ZNF713: variants seen among roughly 807,000 people sequenced by gnomAD.
ZNF713 encodes the protein zinc finger protein 713.
In ZNF713, 21 loss-of-function variants were observed where a neutral mutation model predicts 28.7. The observed-to-expected ratio is 0.73, with a 90% CI of 0.52 to 1.05. The LOEUF (loss-of-function observed/expected upper bound fraction) is 1.05. Among genes scored for constraint, ZNF713 ranks in the 50% least tolerant of loss-of-function variants. ZNF713 has a pLI of 0.00. For synonymous variants in ZNF713, 167 were observed against 178.0 expected (o/e 0.94, Z 0.49); for missense variants, 458 against 532.4 (o/e 0.86, Z 1.37).
intron 1 of ZNF713, among the ~76,000 whole-genome samples, chr7:55,891,560 G>A (rs1584292963): frequency 6.6e-6 from 1 of 152,124 alleles, no homozygotes; most frequent in South Asian, 2.1e-4. Context: ...ACACGTGGTG[G>A]TGCGCACCTG....
In ZNF713 at chr7:55,940,366, C is replaced by A; in HGVS notation, c.*360C>A. The A allele has an allele frequency of 1.2e-6, 1 of 828,834 alleles. No homozygotes were observed. The highest frequency in any genetic ancestry group is 1.5e-6 in the Non-Finnish European group (1 of 683,684). The allele number at this position is 828,834 out of a possible 1,614,324, so 51.3% of individuals were successfully genotyped here. ...CTCGAACTCCTAACCTCAGGTGATC[C>A]GCCCACCTCGGCCTCCCAAAGTGCT... On this transcript the variant is annotated 3_prime_UTR_variant, in exon 7 of 7. Transcript: ENST00000429591.
rs189282759 is a variant in ZNF713 at position 55,928,599 on chromosome 7, G to A, written c.307+4900G>A. On this transcript the variant is annotated intron_variant, in intron 6 of 6. Transcript: ENST00000429591. ...GCCATGTAAGTAGACTGTTGAAGGTGGAACAAAGGTGAAGGCACAAACAAC... is the reference window on the plus strand; with the variant it reads ...GCCATGTAAGTAGACTGTTGAAGGTAGAACAAAGGTGAAGGCACAAACAAC... Among the ~76,000 whole-genome samples the A allele has an allele frequency of 4.1e-4, 63 of 152,128 alleles. 1 individual carries two copies. Among genetic ancestry groups the A allele is most frequent in the Non-Finnish European group, 6.9e-4 (47 of 67,998 alleles).
intron 4 of ZNF713, among the ~76,000 whole-genome samples, 169 bp from the exon 5 acceptor site, chr7:55,922,993 T>C (rs1329987289): frequency 3.3e-5 from 5 of 152,212 alleles, no homozygotes; most frequent in African/African-American, 1.2e-4. Flanking sequence ...TGAAAGATGA[T>C]AGAAAGGTAC....
intron 1 of ZNF713, among the ~76,000 whole-genome samples, chr7:55,890,270 T>C (rs1205692432): frequency 6.6e-6 from 1 of 151,862 alleles, no homozygotes; most frequent in East Asian, 1.9e-4. Flanking sequence ...GCCAACATGG[T>C]GAAACCCCAT....
rs181936874 is a variant in ZNF713 at position 55,906,379 on chromosome 7, G to A, written c.-456G>A. 7.8e-4 allele frequency: 118 copies of A among 152,236 alleles called. No homozygotes were observed. The highest frequency in any genetic ancestry group is 2.7e-3 in the African/African-American group (111 of 41,542). 9.4% of individuals were successfully genotyped at this position (152,236 alleles called of 1,614,324 possible). On this transcript the variant is annotated splice_region_variant and 5_prime_UTR_variant, in exon 2 of 7. Coordinates refer to ENST00000429591, the MANE Select transcript of ZNF713 (RefSeq NM_182633.3). ...CTCAGCAATCCCATCAGGTGTTTTG[G>A]GTAAGTTCTCCTGAATTCAGACCTC...
chr7:55,915,102 A>T (rs1165583434), intron 4 of ZNF713, among the ~76,000 whole-genome samples: 1 of 152,222 alleles, frequency 6.6e-6, no homozygotes, highest in African/African-American at 2.4e-5. Flanking sequence ...AAGTATTGGG[A>T]TTATAGGCGT....
intron 6 of ZNF713, among the ~76,000 whole-genome samples, chr7:55,932,331 C>A (rs1786226334): frequency 4.0e-5 from 6 of 149,828 alleles, no homozygotes; most frequent in Admixed American, 4.0e-4. Context: ...GAATTTGAGA[C>A]CAGCCTAGGC....
intron 1 of ZNF713, among the ~76,000 whole-genome samples, chr7:55,905,159 A>T (rs555295939): frequency 6.6e-6 from 1 of 152,318 alleles, no homozygotes; most frequent in South Asian, 2.1e-4. Context: ...CTGAAGTAGA[A>T]AGATAGTGAA....
At chr7:55,922,083 G>T (rs1177062716) in intron 4 of ZNF713, among the ~76,000 whole-genome samples, 2 of 152,152 alleles carry the variant, frequency 1.3e-5, no homozygotes, top group South Asian at 2.1e-4. Context: ...GTGCCACCAT[G>T]CCTGGCTATT....
intron 1 of ZNF713, among the ~76,000 whole-genome samples, chr7:55,894,129 T>C (rs1785434697): frequency 6.6e-6 from 1 of 152,196 alleles, no homozygotes; most frequent in Non-Finnish European, 1.5e-5. Flanking sequence ...CCACATGGCC[T>C]GCAGTTCTCA....
intron 6 of ZNF713, 150 bp from the exon 7 acceptor site, chr7:55,938,832 G>C: frequency 2.7e-6 from 2 of 730,108 alleles, no homozygotes; most frequent in Non-Finnish European, 4.3e-6. Context: ...TTTGTGACGT[G>C]GCCACATTGA....
At chr7:55,889,507 C>G (rs550970618) in intron 1 of ZNF713, among the ~76,000 whole-genome samples, 1 of 152,304 alleles carries the variant, frequency 6.6e-6, no homozygotes, top group South Asian at 2.1e-4. Flanking sequence ...TAGGTTGTAG[C>G]AATTAGTACG....
At chr7:55,938,011 C>A (rs916928190) in intron 6 of ZNF713, among the ~76,000 whole-genome samples, 18 of 152,076 alleles carry the variant, frequency 1.2e-4, no homozygotes, top group Admixed American at 6.6e-5. Flanking sequence ...TGAGATCAGC[C>A]TGGCCAACAT....
Position 55,940,495 on chromosome 7 carries a change from G to A in ZNF713, c.*489G>A, listed in dbSNP as rs376117781. 1.1e-5 allele frequency: 11 copies of A among 983,456 alleles called. No individual in the cohort carries two copies. In the South Asian group the frequency reaches 5.2e-4, roughly 46 times the overall value. The allele number at this position is 983,456 out of a possible 1,614,324, so 60.9% of individuals were successfully genotyped here. Reference sequence around the variant, plus strand: ...AGCAGCATATTACATTCCCAGGAGGGGTTATAAAAAGAAAAAATAATTTAT... The same window carrying A: ...AGCAGCATATTACATTCCCAGGAGGAGTTATAAAAAGAAAAAATAATTTAT... On this transcript the variant is annotated 3_prime_UTR_variant, in exon 7 of 7. Coordinates refer to ENST00000429591, the MANE Select transcript of ZNF713 (RefSeq NM_182633.3).
intron 1 of ZNF713, among the ~76,000 whole-genome samples, chr7:55,897,461 T>C (rs569203834): frequency 9.9e-5 from 15 of 152,072 alleles, no homozygotes; most frequent in African/African-American, 2.9e-4. Context: ...TTCTTTTTTT[T>C]TCATAGTGAA....
chr7:55,913,195 CTTTTTTTTTTTT>C (rs66851959), intron 4 of ZNF713, among the ~76,000 whole-genome samples: 1 of 88,132 alleles, frequency 1.1e-5, no homozygotes, highest in East Asian at 4.0e-4. Context: ...GTTTTGATTC[CTTTTTTTTTTTT>C]TTTTTTTTTT....
rs559245670 is a variant in ZNF713, at chr7:55,899,161, G to A, written c.-582-7092G>A. ...AGGGTCAGGAGATGGAGACCATCCT[G>A]GCTAATACGGTGAAACCCCGTCTCT... On this transcript the variant is annotated intron_variant, in intron 1 of 6. Transcript: ENST00000429591. Among the ~76,000 whole-genome samples, 165 of 151,046 alleles carry A rather than the reference G, an allele frequency of 1.1e-3. 1 individual carries two copies. Among genetic ancestry groups the A allele is most frequent in the African/African-American group, 3.6e-3 (149 of 41,152 alleles).
rs377250498 is a variant in ZNF713, at chr7:55,912,726, A to T, written c.87+3A>T. The T allele has an allele frequency of 4.5e-5, 72 of 1,611,936 alleles. No homozygotes were observed. The African/African-American group carries it at 7.7e-4, about 17-fold the overall frequency. On this transcript the variant is annotated splice_donor_region_variant and intron_variant, in intron 4 of 6. Coordinates refer to ENST00000429591, the MANE Select transcript of ZNF713 (RefSeq NM_182633.3). ...GCTCACAGATGGTGAGATCTCAGGT[A>T]AGTTCAGTTTTCCTCTCCTCTGAAA...
chr7:55,930,977 A>T (rs920005574), intron 6 of ZNF713, among the ~76,000 whole-genome samples: 29 of 152,256 alleles, frequency 1.9e-4, no homozygotes, highest in African/African-American at 6.7e-4. Context: ...CATCCATAAG[A>T]TCTATATAAT....
Sources: allele counts gnomAD v4.1 joint callset (sites outside exome capture counted in the v4.1 genomes callset), GRCh38; gene constraint gnomAD v4.1.1; transcripts MANE v1.5; gene names NCBI Gene and HGNC (gene_info 2026-07-23, HGNC 2026-07-21).